The following TCP1 variants were observed in gnomAD, a reference collection of about 807,000 sequenced individuals.
The protein encoded by TCP1 is t-complex 1.
TCP1 carries 6 observed loss-of-function variants against 54.7 expected under a neutral mutation model. The ratio of observed to expected loss-of-function variants is 0.11; its 90% confidence interval spans 0.06 to 0.22. TCP1 has a LOEUF of 0.22. TCP1 is among the 10% of genes least tolerant of loss of function. The pLI, the probability that TCP1 is intolerant of heterozygous loss-of-function variation, is 1.00. For missense variants in TCP1, 511 were observed against 678.2 expected, an observed-to-expected ratio of 0.75 and a Z score of 2.74; for synonymous variants, 225 against 229.7, an observed-to-expected ratio of 0.98 and a Z score of 0.19.
chr6:159,778,897 A>G lies in TCP1; in HGVS notation c.*148T>C, dbSNP rs911606829. The G allele has an allele frequency of 3.1e-5, 50 of 1,600,782 alleles. 1 individual carries two copies. In the South Asian group the frequency reaches 5.5e-4, roughly 18 times the overall value. On this transcript the variant is annotated 3_prime_UTR_variant, in exon 12 of 12. Coordinates refer to ENST00000321394, the MANE Select transcript of TCP1 (RefSeq NM_030752.3). ...TAAAGTACTAGGTTGCAATATGTGAAATCAGAGGACCAAAGTACAGATGGA... is the reference window on the plus strand; with the variant it reads ...TAAAGTACTAGGTTGCAATATGTGAGATCAGAGGACCAAAGTACAGATGGA...
chr6:159,789,068 T>C (rs907151986), intron 1 of TCP1: 1 of 343,690 alleles, frequency 2.9e-6, no homozygotes, highest in East Asian at 5.5e-5. Context: ...GGGGTCGCCC[T>C]GAAACAAAAG....
chr6:159,785,595 A>G (rs770574644), intron 4 of TCP1, 99 bp from the exon 5 acceptor site: 2 of 992,316 alleles, frequency 2.0e-6, no homozygotes, highest in Non-Finnish European at 3.2e-6. Context: ...CGTAAGTAAT[A>G]ATATCCGTTC....
intron 2 of TCP1, 26 bp from the exon 3 acceptor site, chr6:159,787,897 G>A: frequency 6.2e-7 from 1 of 1,612,946 alleles, no homozygotes; most frequent in Non-Finnish European, 8.5e-7. Context: ...GAAAAAATAT[G>A]AACCACTTAT....
chr6:159,783,879 A>C, intron 7 of TCP1, 62 bp downstream of exon 7: 28 of 1,508,124 alleles, frequency 1.9e-5, no homozygotes, highest in Non-Finnish European at 2.5e-5. Flanking sequence ...GACTTGGCTA[A>C]AAATGTTAAA....
At position 159,780,041 on chromosome 6, in the gene TCP1, C is replaced by G; in HGVS notation, c.1144G>C (p.Asp382His). Residue 382 changes from aspartate (D) to histidine (H), a missense_variant, in exon 10 of 12, where the codon GAT becomes CAT. This residue lies in a region of TCP1 where 305 missense variants were observed against 352.8 expected (regional missense o/e 0.86). Transcript: ENST00000321394. ...CGCTCCATCTCATCACACATGAAAT[C>G]ATTTGCCCCACGTAAGATAATCGAT... ...SASIILRGAN[D>H]FMCDEMERSL... 2 of 1,614,178 alleles carry G rather than the reference C, an allele frequency of 1.2e-6. No individual in the cohort carries two copies. The highest frequency in any genetic ancestry group is 1.7e-6 in the Non-Finnish European group (2 of 1,180,028).
rs549199114 is a variant in TCP1 at position 159,788,064 on chromosome 6, A to G, written c.144T>C (p.Asp48=). ...PVGLDKMLVD[D]IGDVTITNDG... ...AACAGTTATGTGTACTTACACCAAT[A>G]TCATCCACCAACATTTTATCCAAGC... The change falls in exon 2 of 12, where the codon GAT becomes GAC. Residue 48 remains aspartate (D), a synonymous_variant. Transcript: ENST00000321394. 10 of 1,614,130 alleles carry G rather than the reference A, an allele frequency of 6.2e-6. No homozygotes were observed. In the South Asian group the frequency reaches 9.9e-5, roughly 16 times the overall value.
chr6:159,780,391 T>C (rs2114990450), intron 9 of TCP1, 52 bp downstream of exon 9: 2 of 1,612,594 alleles, frequency 1.2e-6, no homozygotes, highest in East Asian at 4.5e-5. Flanking sequence ...GAAAACCTAC[T>C]TTTACTTAAC....
chr6:159,785,348 TA>T (rs1780669537), intron 5 of TCP1, 37 bp downstream of exon 5: 4 of 1,520,426 alleles, frequency 2.6e-6, no homozygotes, highest in African/African-American at 1.4e-5. Flanking sequence ...TCTTATGCTT[TA>T]AAAAGTCTAA....
chr6:159,787,617 A>T lies in TCP1; in HGVS notation c.279+126T>A, dbSNP rs909281537. On this transcript the variant is annotated intron_variant, in intron 3 of 11. Coordinates refer to ENST00000321394, the MANE Select transcript of TCP1 (RefSeq NM_030752.3). ...CTTCTTTTGTTTTTTCTTCTTGCTC[A>T]ATCTTCTGGGCATTCAGAATATGTA... The T allele has an allele frequency of 4.1e-5, 51 of 1,234,862 alleles. No homozygotes were observed. The Admixed American group carries it at 4.8e-4, about 12-fold the overall frequency. 76.5% of individuals were successfully genotyped at this position (1,234,862 alleles called of 1,614,324 possible). A position where few individuals can be genotyped will look rare whatever the true frequency, so the allele number is the denominator to read the frequency against.
At chr6:159,787,570 ATTTCCCCTCTTAAATGTGTAACTTCT>A (rs1317374013) in intron 3 of TCP1, among the ~76,000 whole-genome samples, 147 bp downstream of exon 3, 6 of 151,038 alleles carry the variant, frequency 4.0e-5, no homozygotes, top group Admixed American at 1.3e-4. Context: ...TAAGAAGCTT[ATTTCCCCTCTTAAATGTGTAACTTCT>A]TTTGTTTTTT....
chr6:159,789,012 G>A (rs1437818456), intron 1 of TCP1: 1 of 189,804 alleles, frequency 5.3e-6, no homozygotes, highest in African/African-American at 2.4e-5. Context: ...TCTTTTTCTG[G>A]TAAATGGTCC....
rs1780782652 is a variant in TCP1 at position 159,789,156 on chromosome 6, CG to C, written c.64+248del. 6.1e-6 allele frequency: 3 copies of C among 494,552 alleles called. No individual in the cohort carries two copies. In the East Asian group the frequency reaches 1.0e-4, roughly 17 times the overall value. 30.6% of individuals were successfully genotyped at this position (494,552 alleles called of 1,614,324 possible). On this transcript the variant is annotated intron_variant, in intron 1 of 11. Transcript: ENST00000321394. ...GGAGGGCGCGTTTCCAACGCCGCCC[CG>C]GACACCACATCCACGCGTTGCCGGT...
intron 4 of TCP1, 27 bp downstream of exon 4, chr6:159,785,873 A>T (rs369632725): frequency 1.9e-6 from 3 of 1,590,930 alleles, no homozygotes; most frequent in Non-Finnish European, 2.6e-6. Context: ...CATCAAAAAA[A>T]ATTTCTCTGA....
At chr6:159,781,331 T>C (rs543189114) in intron 7 of TCP1, among the ~76,000 whole-genome samples, 35 of 152,306 alleles carry the variant, frequency 2.3e-4, no homozygotes, top group African/African-American at 8.2e-4. Flanking sequence ...TTGAGAACTA[T>C]GGTTAAACAG....
intron 7 of TCP1, 34 bp from the exon 8 acceptor site, chr6:159,781,144 T>C (rs1433332382): frequency 6.7e-7 from 1 of 1,497,966 alleles, no homozygotes; most frequent in Non-Finnish European, 8.9e-7. Context: ...AGTTACCTTC[T>C]GTGATTTTTA....
Position 159,789,402 on chromosome 6 carries a change from T to A in TCP1, c.64+3A>T, listed in dbSNP as rs755527969. ...ACCCGACCCAGGCCCGGCCCGCCCT[T>A]ACCGTTTTGGGAGCGGATCGTTTCC... On this transcript the variant is annotated splice_donor_region_variant and intron_variant, in intron 1 of 11. Coordinates refer to ENST00000321394, the MANE Select transcript of TCP1 (RefSeq NM_030752.3). 6.2e-7 allele frequency: 1 copy of A among 1,613,554 alleles called. No homozygotes were observed. Among genetic ancestry groups the A allele is most frequent in the Non-Finnish European group, 8.5e-7 (1 of 1,179,754 alleles).
intron 7 of TCP1, among the ~76,000 whole-genome samples, chr6:159,782,842 T>A (rs1253977428): frequency 6.6e-6 from 1 of 152,124 alleles, no homozygotes; most frequent in Non-Finnish European, 1.5e-5. Context: ...CAAAGCAGCA[T>A]CACAAAGCCT....
At chr6:159,789,166 A>G in intron 1 of TCP1, 1 of 514,942 alleles carries the variant, frequency 1.9e-6, no homozygotes, top group South Asian at 2.7e-5. Flanking sequence ...CGGACACCAC[A>G]TCCACGCGTT....
intron 7 of TCP1, among the ~76,000 whole-genome samples, chr6:159,782,068 TAAC>T (rs2114992247): frequency 6.6e-6 from 1 of 152,094 alleles, no homozygotes; most frequent in East Asian, 1.9e-4. Context: ...GTAAAATAAA[TAAC>T]AAGAGTTTTG....
Sources: allele counts gnomAD v4.1 joint callset (sites outside exome capture counted in the v4.1 genomes callset), GRCh38; gene constraint gnomAD v4.1.1; regional missense constraint gnomAD v4.1.1; transcripts MANE v1.5; gene names NCBI Gene and HGNC (gene_info 2026-07-23, HGNC 2026-07-21).